SH2D5: variants seen among roughly 807,000 people sequenced by gnomAD.
The protein encoded by SH2D5 is SH2 domain-containing protein 5.
Under a neutral mutation model 48.2 loss-of-function variants are expected in SH2D5, and 45 were observed. The observed-to-expected ratio is 0.93, with a 90% CI of 0.73 to 1.20. SH2D5 has a LOEUF of 1.20. Ranked by LOEUF, SH2D5 falls within the 50% of genes most tolerant of loss-of-function variation. The pLI is 0.00. For missense variants in SH2D5, 538 were observed against 584.1 expected, an observed-to-expected ratio of 0.92 and a Z score of 0.81; for synonymous variants, 230 against 249.8, an observed-to-expected ratio of 0.92 and a Z score of 0.75.
chr1:20,727,098 G>A, intron 3 of SH2D5, 23 bp from the exon 4 acceptor site: 1 of 1,599,372 alleles, frequency 6.3e-7, no homozygotes, highest in South Asian at 1.1e-5. Context: ...GAGTAGTGGG[G>A]ACAGGCACCA....
chr1:20,729,812 G>A lies in SH2D5; in HGVS notation c.-42-1726C>T, dbSNP rs1474999001. ...AGGCCAGGGTGGAGGTGCCTGCACC[G>A]ATCCACTTTCAGTGAGCAGCCAGGA... On this transcript the variant is annotated intron_variant, in intron 1 of 9. Coordinates refer to ENST00000444387, the MANE Select transcript of SH2D5 (RefSeq NM_001103161.2). The surrounding 1 kb of genome is among the most constrained non-coding windows in gnomAD (Gnocchi z 4.2). 6.6e-6 allele frequency among the ~76,000 whole-genome samples: 1 copy of A among 152,202 alleles called. No homozygotes were observed. The highest frequency in any genetic ancestry group is 1.5e-5 in the Non-Finnish European group (1 of 68,032).
intron 5 of SH2D5, among the ~76,000 whole-genome samples, chr1:20,725,229 G>A (rs1353205392): frequency 3.9e-5 from 6 of 152,248 alleles, no homozygotes; most frequent in Non-Finnish European, 2.9e-5. Flanking sequence ...AACCGTGAGC[G>A]TCAGCTCAAG....
In SH2D5 at chr1:20,723,752, G is replaced by T; in HGVS notation, c.800-18C>A. The T allele has an allele frequency of 6.3e-7, 1 of 1,598,142 alleles. No individual in the cohort carries two copies. The highest frequency in any genetic ancestry group is 8.6e-7 in the Non-Finnish European group (1 of 1,167,872). ...GGCAGGAACTGTGGAGACCATCCAG[G>T]AGTCAGAAGGAGAGTGGCCGAGCCC... is the stretch of plus-strand genomic sequence containing the variant. On this transcript the variant is annotated intron_variant, in intron 7 of 9. Transcript: ENST00000444387.
Position 20,728,329 on chromosome 1 carries a change from C to G in SH2D5, c.-42-243G>C, listed in dbSNP as rs150214494. ...GAACTAAATAGTAAGATAGATCATA[C>G]GTGAGATGGGGATGGAGCAGGGAGG... On this transcript the variant is annotated intron_variant, in intron 1 of 9. Transcript: ENST00000444387. The surrounding 1 kb of genome is among the most constrained non-coding windows in gnomAD (Gnocchi z 4.3). 1.5e-4 allele frequency among the ~76,000 whole-genome samples: 23 copies of G among 152,250 alleles called. No individual in the cohort carries two copies. The highest frequency in any genetic ancestry group is 5.5e-4 in the African/African-American group (23 of 41,550).
intron 5 of SH2D5, among the ~76,000 whole-genome samples, 173 bp downstream of exon 5, chr1:20,725,747 T>G (rs1354305074): frequency 6.6e-6 from 1 of 152,200 alleles, no homozygotes; most frequent in Non-Finnish European, 1.5e-5. Flanking sequence ...GCCACTGACT[T>G]GCTTTGTGGT....
At chr1:20,723,779 C>G (rs754066558) in intron 7 of SH2D5, 45 bp from the exon 8 acceptor site, 6 of 1,506,806 alleles carry the variant, frequency 4.0e-6, no homozygotes, top group Admixed American at 1.8e-5. Context: ...GCCGAGCCCT[C>G]CCATTCCCTG....
intron 3 of SH2D5, 148 bp from the exon 4 acceptor site, chr1:20,727,223 G>A (rs931904276): frequency 2.6e-5 from 18 of 704,022 alleles, no homozygotes; most frequent in East Asian, 2.2e-4. Context: ...CCCCCCTGGC[G>A]CTGGGGAAGT....
chr1:20,722,043 C>G (rs780944524), intron 9 of SH2D5, 48 bp from the exon 10 acceptor site: 3 of 1,560,992 alleles, frequency 1.9e-6, no homozygotes, highest in Non-Finnish European at 2.6e-6. Flanking sequence ...CCAGGGCTCA[C>G]GCCAGGCACC....
In SH2D5 at chr1:20,728,039, C is replaced by G. The variant is rs1375846122; in HGVS notation, c.6G>C (p.Gln2His). 1.3e-6 allele frequency: 2 copies of G among 1,545,582 alleles called. No individual in the cohort carries two copies. Residue 2 changes from glutamine to histidine, a missense_variant, in exon 2 of 10, where the codon CAG (glutamine) becomes CAC (histidine). Transcript: ENST00000444387. The surrounding 1 kb of genome is among the most constrained non-coding windows in gnomAD (Gnocchi z 4.3). ...CCCTGCGGCCCCCAGCCCCCGCCTT[C>G]TGCATGGCCCCCAGGGTGCCTGGCT... M[Q>H]KAGAGGRRAS...
In SH2D5 at chr1:20,729,995, G is replaced by C. The variant is rs1401067081; in HGVS notation, c.-42-1909C>G. 1.3e-5 allele frequency among the ~76,000 whole-genome samples: 2 copies of C among 152,198 alleles called. No homozygotes were observed. Among genetic ancestry groups the C allele is most frequent in the Admixed American group, 1.3e-4 (2 of 15,278 alleles). On this transcript the variant is annotated intron_variant, in intron 1 of 9. Coordinates refer to ENST00000444387, the MANE Select transcript of SH2D5 (RefSeq NM_001103161.2). This position sits in a 1 kb window ranked among gnomAD's most constrained non-coding sequence, Gnocchi z 4.2. Reference sequence around the variant, plus strand: ...ATCTTTTATGTTTAAATAAAGCAAAGTTACATGTGCAACCGGCACTAAAGC... The same window carrying C: ...ATCTTTTATGTTTAAATAAAGCAAACTTACATGTGCAACCGGCACTAAAGC...
At chr1:20,723,557 C>A (rs1362350243) in intron 8 of SH2D5, 69 bp downstream of exon 8, 2 of 1,248,450 alleles carry the variant, frequency 1.6e-6, no homozygotes, top group Admixed American at 2.0e-5. Context: ...GCCTCAGGGG[C>A]CTGGGAAGCC....
Position 20,727,977 on chromosome 1 carries a change from C to T in SH2D5, c.68G>A (p.Cys23Tyr). Residue 23 changes from cysteine (C) to tyrosine (Y), a missense_variant, in exon 2 of 10, where the codon TGC becomes TAC. Physicochemically the swap from Cys to Tyr is radical, Grantham distance 194. Transcript: ENST00000444387. ...DCGLAPHRPR[C>Y]ITKFAQYVGS... ...ACCCACCTGGGCAAACTTGGTGATG[C>T]ACCTGGGCCGGTGAGGGGCCAGCCC... is the stretch of plus-strand genomic sequence containing the variant. 6.4e-7 allele frequency: 1 copy of T among 1,572,954 alleles called. No individual in the cohort carries two copies. Among genetic ancestry groups the T allele is most frequent in the Non-Finnish European group, 8.6e-7 (1 of 1,159,896 alleles).
In SH2D5 at chr1:20,725,825, G is replaced by A; in HGVS notation, c.390+95C>T. ...GGGTGCATGCCTGGAGGGGGATCAG[G>A]CCGCCCTGGCAAAGCCCTCAAGGAA... On this transcript the variant is annotated intron_variant, in intron 5 of 9. Transcript: ENST00000444387. 2.7e-6 allele frequency: 4 copies of A among 1,498,968 alleles called. No homozygotes were observed. In the South Asian group the frequency reaches 3.9e-5, roughly 15 times the overall value. The allele number at this position is 1,498,968 out of a possible 1,614,324, so 92.9% of individuals were successfully genotyped here. A position where few individuals can be genotyped will look rare whatever the true frequency, so the allele number is the denominator to read the frequency against.
Position 20,722,875 on chromosome 1 carries a change from C to A in SH2D5, c.949G>T (p.Ala317Ser). 1 of 1,604,632 alleles carries A rather than the reference C, an allele frequency of 6.2e-7. No homozygotes were observed. The highest frequency in any genetic ancestry group is 1.7e-5 in the Admixed American group (1 of 58,958). ...LALLRRDVLG[A>S]FLLWPELGAS... ...CCCAGCTCAGGCCACAGCAGGAAGG[C>A]CCCCAGCACGTCTCTCCGCAACAGG... is the stretch of plus-strand genomic sequence containing the variant. The change falls in exon 9 of 10, where the codon GCC (alanine) becomes TCC (serine). Residue 317 changes from alanine (A) to serine (S), a missense_variant. Ala to Ser is a moderately conservative substitution (Grantham distance 99). Coordinates refer to ENST00000444387, the MANE Select transcript of SH2D5 (RefSeq NM_001103161.2).
chr1:20,723,538 G>T, intron 8 of SH2D5, 88 bp downstream of exon 8: 3 of 1,027,282 alleles, frequency 2.9e-6, no homozygotes, highest in African/African-American at 3.2e-5. Context: ...CCCGTGCACG[G>T]GAGTGTGTGC....
intron 8 of SH2D5, among the ~76,000 whole-genome samples, chr1:20,723,177 T>A (rs2154538426): frequency 6.6e-6 from 1 of 152,226 alleles, no homozygotes; most frequent in East Asian, 1.9e-4. Context: ...TGAGACCCTG[T>A]CTCTAAAATG....
Position 20,728,124 on chromosome 1 carries a change from A to G in SH2D5, c.-42-38T>C. ...GGGGGGGAAGGGCTGCTTTCGAGGC[A>G]GGCAAGCCACAGAGTGCCCCCCACA... is the stretch of plus-strand genomic sequence containing the variant. On this transcript the variant is annotated intron_variant, in intron 1 of 9. Transcript: ENST00000444387. This position sits in a 1 kb window ranked among gnomAD's most constrained non-coding sequence, Gnocchi z 4.3. 2 of 1,041,462 alleles carry G rather than the reference A, an allele frequency of 1.9e-6. No individual in the cohort carries two copies. The highest frequency in any genetic ancestry group is 1.4e-6 in the Non-Finnish European group (1 of 711,788). The allele number at this position is 1,041,462 out of a possible 1,614,324, so 64.5% of individuals were successfully genotyped here.
chr1:20,722,100 C>A, intron 9 of SH2D5, 105 bp from the exon 10 acceptor site: 1 of 1,090,418 alleles, frequency 9.2e-7, no homozygotes. Flanking sequence ...GAGCAGGGAA[C>A]GGAGCCCAGA....
chr1:20,724,362 C>T (rs1479541215), intron 6 of SH2D5, 34 bp downstream of exon 6: 3 of 1,607,548 alleles, frequency 1.9e-6, no homozygotes, highest in South Asian at 1.1e-5. Flanking sequence ...GTTCCCTTGT[C>T]CACTGCCCAC....
Sources: allele counts gnomAD v4.1 joint callset (sites outside exome capture counted in the v4.1 genomes callset), GRCh38; gene constraint gnomAD v4.1.1; non-coding constraint Gnocchi (gnomAD v3.1); transcripts MANE v1.5; gene names NCBI Gene and HGNC (gene_info 2026-07-23, HGNC 2026-07-21).